CLVS1: variants seen among roughly 807,000 people sequenced by gnomAD.
CLVS1 encodes the protein clavesin 1.
A neutral mutation model predicts 33.1 loss-of-function variants in CLVS1; 10 were observed. That is an observed-to-expected ratio of 0.30 (90% CI 0.19 to 0.51). CLVS1 has a LOEUF of 0.51. CLVS1 is among the 20% of genes least tolerant of loss of function. The pLI is 0.97. For synonymous variants in CLVS1, 163 were observed against 166.1 expected (o/e 0.98, Z 0.14); for missense variants, 343 against 433.4 (o/e 0.79, Z 1.85).
intron 2 of CLVS1, among the ~76,000 whole-genome samples, chr8:61,157,912 G>T (rs1806681174): frequency 6.6e-6 from 1 of 152,086 alleles, no homozygotes; most frequent in South Asian, 2.1e-4. Context: ...TTGCCAGTGG[G>T]AGTGTAAAAT....
chr8:61,209,237 A>C (rs572029808), intron 2 of CLVS1, among the ~76,000 whole-genome samples: 2 of 152,346 alleles, frequency 1.3e-5, no homozygotes, highest in East Asian at 3.9e-4. Flanking sequence ...CTCAGGGGCC[A>C]ATCTTTGGGC....
chr8:60,967,238 A>G, the CLVS1 span, among the ~76,000 whole-genome samples: 1 of 152,158 alleles, frequency 6.6e-6, no homozygotes, highest in Non-Finnish European at 1.5e-5. Context: ...GTTACCATGC[A>G]GATTGGAACT....
rs187782458 is a variant in CLVS1 at position 61,251,107 on chromosome 8, G to C, written c.-151-48570G>C. On this transcript the variant is annotated intron_variant, in intron 2 of 2. Coordinates refer to the CLVS1 transcript ENST00000522621. ...ACGTTCCATTGATACCTAGTTTATT[G>C]AGAGTTTTTAGTATGAAGGGCTGTT... is the stretch of plus-strand genomic sequence containing the variant. Among the ~76,000 whole-genome samples, 490 of 152,242 alleles carry C rather than the reference G, an allele frequency of 3.2e-3. 5 individuals carry two copies. Among genetic ancestry groups the C allele is most frequent in the African/African-American group, 0.011 (469 of 41,536 alleles).
rs947165558 is a variant in CLVS1 at position 61,477,715 on chromosome 8, G to T, written c.977+19173G>T. 3.3e-5 allele frequency among the ~76,000 whole-genome samples: 5 copies of T among 152,106 alleles called. No homozygotes were observed. In the East Asian group the frequency reaches 7.7e-4, roughly 23 times the overall value. On this transcript the variant is annotated intron_variant, in intron 5 of 5. Coordinates refer to ENST00000325897, the MANE Select transcript of CLVS1 (RefSeq NM_173519.3). ...TTCTTCTTTATTAGTCTTGCTAGTGGTCTATCAATTTTGTCGATCTTTTCA... is the reference window on the plus strand; with the variant it reads ...TTCTTCTTTATTAGTCTTGCTAGTGTTCTATCAATTTTGTCGATCTTTTCA...
chr8:61,303,056 G>T (rs565935668), intron 2 of CLVS1, among the ~76,000 whole-genome samples: 1 of 152,146 alleles, frequency 6.6e-6, no homozygotes, highest in Non-Finnish European at 1.5e-5. Context: ...CTCAACATGA[G>T]ATTTGGTTGG....
intron 1 of CLVS1, among the ~76,000 whole-genome samples, chr8:61,093,873 T>C (rs1585605662): frequency 6.6e-6 from 1 of 152,242 alleles, no homozygotes. Flanking sequence ...TTAATGGCTG[T>C]GCTGTTTTCC....
chr8:61,436,350 C>T (rs1563552622), intron 3 of CLVS1, among the ~76,000 whole-genome samples: 1 of 152,218 alleles, frequency 6.6e-6, no homozygotes, highest in Non-Finnish European at 1.5e-5. Flanking sequence ...AAATATTTAG[C>T]TGCACTTGCC....
chr8:60,991,840 G>A, the CLVS1 span, among the ~76,000 whole-genome samples: 8 of 150,024 alleles, frequency 5.3e-5, no homozygotes, highest in East Asian at 5.9e-4. Flanking sequence ...TCCATCTCCC[G>A]GGTTCAAGAG....
intron 5 of CLVS1, among the ~76,000 whole-genome samples, chr8:61,492,393 C>T (rs1477406791): frequency 6.6e-6 from 1 of 152,184 alleles, no homozygotes; most frequent in South Asian, 2.1e-4. Flanking sequence ...CTTTTACAGT[C>T]CATCTTCATT....
At chr8:61,130,391 CA>C (rs1447503610) in intron 1 of CLVS1, among the ~76,000 whole-genome samples, 1 of 152,116 alleles carries the variant, frequency 6.6e-6, no homozygotes, top group African/African-American at 2.4e-5. Flanking sequence ...GTGCATACCA[CA>C]TTGACCCAAT....
intron 2 of CLVS1, among the ~76,000 whole-genome samples, chr8:61,138,951 G>T (rs879294191): frequency 6.6e-6 from 1 of 152,258 alleles, no homozygotes; most frequent in Admixed American, 6.5e-5. Context: ...CAGATCTCTT[G>T]CAGGAGAGGA....
At chr8:61,125,241 C>A (rs1020506809) in intron 1 of CLVS1, among the ~76,000 whole-genome samples, 1 of 152,158 alleles carries the variant, frequency 6.6e-6, no homozygotes, top group Non-Finnish European at 1.5e-5. Flanking sequence ...CCCCTTTCCT[C>A]GCTTTGGTTG....
At chr8:61,406,954 T>C (rs1305928785) in intron 3 of CLVS1, among the ~76,000 whole-genome samples, 1 of 152,206 alleles carries the variant, frequency 6.6e-6, no homozygotes, top group Non-Finnish European at 1.5e-5. Context: ...AAAAATTCTC[T>C]GAAGGACAAG....
intron 2 of CLVS1, among the ~76,000 whole-genome samples, chr8:61,255,751 G>T (rs1481442421): frequency 6.6e-6 from 1 of 152,088 alleles, no homozygotes; most frequent in Non-Finnish European, 1.5e-5. Context: ...ACAACCAAAA[G>T]ATTTGCCATA....
At chr8:61,140,723 G>A (rs371021533) in intron 2 of CLVS1, among the ~76,000 whole-genome samples, 3 of 151,938 alleles carry the variant, frequency 2.0e-5, no homozygotes, top group East Asian at 3.9e-4. Flanking sequence ...CACCATGCCC[G>A]GCTAAATTTT....
intron 1 of CLVS1, among the ~76,000 whole-genome samples, chr8:61,083,678 A>G (rs377507925): frequency 5.9e-5 from 9 of 152,304 alleles, no homozygotes; most frequent in African/African-American, 2.2e-4. Context: ...GAAAATGGCC[A>G]TTACTGAGTA....
chr8:61,340,150 A>C (rs927271716), intron 2 of CLVS1, among the ~76,000 whole-genome samples: 1 of 152,234 alleles, frequency 6.6e-6, no homozygotes, highest in East Asian at 1.9e-4. Flanking sequence ...CCAGAAAGTT[A>C]GGAGAGGAGA....
At chr8:61,310,725 A>G (rs568694568) in intron 2 of CLVS1, among the ~76,000 whole-genome samples, 24 of 152,318 alleles carry the variant, frequency 1.6e-4, no homozygotes, top group African/African-American at 5.1e-4. Flanking sequence ...AACAACTTTG[A>G]TTTTTCTTTT....
chr8:61,359,461 TTC>T (rs542940357), intron 2 of CLVS1, among the ~76,000 whole-genome samples: 4 of 152,150 alleles, frequency 2.6e-5, no homozygotes, highest in Non-Finnish European at 5.9e-5. Context: ...GTTCAAGTGA[TTC>T]TCCTGCCTCA....
Sources: gnomAD v4.1 joint callset for allele counts (sites outside exome capture counted in the v4.1 genomes callset) on GRCh38, gnomAD v4.1.1 for gene constraint, MANE v1.5 for transcripts, NCBI Gene and HGNC (gene_info 2026-07-23, HGNC 2026-07-21) for gene names.